Variants in FAM193A observed in about 807,000 individuals in gnomAD.
FAM193A encodes the protein family with sequence similarity 193 member A, also known as protein FAM193A.
In FAM193A, 22 loss-of-function variants were observed where a neutral mutation model predicts 126.5. The observed-to-expected ratio is 0.17, with a 90% confidence interval of 0.12 to 0.25. FAM193A has a LOEUF of 0.25. FAM193A is among the 10% of genes least tolerant of loss of function. The pLI is 1.00. For missense variants in FAM193A, 1,675 were observed against 1,672.8 expected, an observed-to-expected ratio of 1.00 and a Z score of -0.02; for synonymous variants, 761 against 646.8, an observed-to-expected ratio of 1.18 and a Z score of -2.68.
intron 1 of FAM193A, among the ~76,000 whole-genome samples, chr4:2,579,948 A>G (rs1448281981): frequency 2.0e-5 from 3 of 152,216 alleles, no homozygotes; most frequent in Non-Finnish European, 4.4e-5. Flanking sequence ...AAAGGAATAT[A>G]AATTGTTGTG....
intron 13 of FAM193A, among the ~76,000 whole-genome samples, chr4:2,675,961 C>G (rs981942779): frequency 6.6e-5 from 10 of 152,330 alleles, no homozygotes; most frequent in Admixed American, 1.3e-4. Flanking sequence ...TCGCATATTG[C>G]AGAATCTCCT....
intron 2 of FAM193A, among the ~76,000 whole-genome samples, chr4:2,609,981 C>T (rs1741767310): frequency 6.6e-6 from 1 of 151,386 alleles, no homozygotes; most frequent in African/African-American, 2.4e-5. Context: ...CCTGTAATCC[C>T]AGCATTTTGG....
chr4:2,648,436 C>T (rs1745355492), intron 7 of FAM193A, among the ~76,000 whole-genome samples: 1 of 152,172 alleles, frequency 6.6e-6, no homozygotes, highest in African/African-American at 2.4e-5. Flanking sequence ...AGAGCAGTTG[C>T]TGTTTTGTGT....
chr4:2,544,181 C>T (rs115435234), intron 1 of FAM193A, among the ~76,000 whole-genome samples: 9 of 152,250 alleles, frequency 5.9e-5, no homozygotes, highest in Non-Finnish European at 8.8e-5. Context: ...TTACCATACA[C>T]GCTTTAGAAA....
At chr4:2,704,974 C>T (rs891338269) in intron 19 of FAM193A, among the ~76,000 whole-genome samples, 1 of 152,130 alleles carries the variant, frequency 6.6e-6, no homozygotes, top group East Asian at 1.9e-4. Context: ...TGCAGTGGCG[C>T]GATCTCGGCT....
intron 12 of FAM193A, among the ~76,000 whole-genome samples, chr4:2,664,882 C>T (rs1044427320): frequency 6.6e-6 from 1 of 152,038 alleles, no homozygotes; most frequent in African/African-American, 2.4e-5. Context: ...TTTTCAAAAT[C>T]GTTTATGCTG....
chr4:2,542,728 C>T (rs1578557640), intron 1 of FAM193A, among the ~76,000 whole-genome samples: 2 of 151,304 alleles, frequency 1.3e-5, no homozygotes, highest in South Asian at 4.1e-4. Context: ...TGAGTCCTGG[C>T]AAGCAGCCTC....
chr4:2,679,375 CTTTTTTTTTTTT>C (rs796366785), intron 13 of FAM193A, among the ~76,000 whole-genome samples: 9,294 of 88,194 alleles, frequency 0.11, 694 homozygotes, highest in African/African-American at 0.24. Context: ...AGTTTTCTTT[CTTTTTTTTTTTT>C]TTTTTTTTTT....
chr4:2,641,101 C>T (rs1428862190), intron 6 of FAM193A, among the ~76,000 whole-genome samples: 1 of 151,558 alleles, frequency 6.6e-6, no homozygotes, highest in African/African-American at 2.4e-5. Flanking sequence ...AGTGCAGTGG[C>T]ACAATCTCAG....
At chr4:2,687,204 G>T (rs1715839012) in intron 13 of FAM193A, among the ~76,000 whole-genome samples, 1 of 152,168 alleles carries the variant, frequency 6.6e-6, no homozygotes, top group Admixed American at 6.5e-5. Flanking sequence ...AGGTGGAAAG[G>T]TTTGGTCGGT....
At chr4:2,673,832 T>C (rs1411277172) in intron 13 of FAM193A, among the ~76,000 whole-genome samples, 1 of 152,224 alleles carries the variant, frequency 6.6e-6, no homozygotes, top group Non-Finnish European at 1.5e-5. Flanking sequence ...TACTAAAGAC[T>C]GTGGGGCCCC....
At chr4:2,608,177 G>A (rs1741654034) in intron 2 of FAM193A, 3 of 1,544,024 alleles carry the variant, frequency 1.9e-6, no homozygotes, top group Non-Finnish European at 2.7e-6. Context: ...AATACCAAGA[G>A]GACTTCATTT....
intron 20 of FAM193A, among the ~76,000 whole-genome samples, chr4:2,725,079 A>G (rs565078172): frequency 6.6e-6 from 1 of 152,042 alleles, no homozygotes; most frequent in African/African-American, 2.4e-5. Context: ...GAGTTTCACC[A>G]TGTTGGCCAG....
intron 1 of FAM193A, among the ~76,000 whole-genome samples, chr4:2,553,676 T>C (rs1457218847): frequency 1.3e-5 from 2 of 152,052 alleles, no homozygotes; most frequent in Non-Finnish European, 2.9e-5. Context: ...CTCCTTTGAC[T>C]TACAGTTTAT....
chr4:2,608,892 C>CT (rs747565544), intron 2 of FAM193A, among the ~76,000 whole-genome samples: 4,381 of 138,076 alleles, frequency 0.032, 250 homozygotes, highest in African/African-American at 0.1. Flanking sequence ...TGAATTTCAC[C>CT]TTTTTTTTTT....
chr4:2,731,935 C>T lies in FAM193A; in HGVS notation c.*67C>T, dbSNP rs1721442118. 1.6e-6 allele frequency: 2 copies of T among 1,219,596 alleles called. No individual in the cohort carries two copies. The highest frequency in any genetic ancestry group is 2.4e-6 in the Non-Finnish European group (2 of 825,200). 75.5% of individuals were successfully genotyped at this position (1,219,596 alleles called of 1,614,324 possible). Reference sequence around the variant, plus strand: ...GCTGCACCACCCCAAGAGCCACGCCCCTCGCTGGCGCCCCAGAGCCGTGGT... The same window carrying T: ...GCTGCACCACCCCAAGAGCCACGCCTCTCGCTGGCGCCCCAGAGCCGTGGT... On this transcript the variant is annotated 3_prime_UTR_variant, in exon 21 of 21. Transcript: ENST00000637812.
Position 2,596,124 on chromosome 4 carries a change from A to G in FAM193A, c.296A>G (p.Tyr99Cys), listed in dbSNP as rs1038455301. The G allele has an allele frequency of 4.3e-6, 3 of 702,668 alleles. No homozygotes were observed. Among genetic ancestry groups the G allele is most frequent in the African/African-American group, 3.5e-5 (2 of 57,160 alleles). The allele number at this position is 702,668 out of a possible 1,614,324, so 43.5% of individuals were successfully genotyped here. Residue 99 changes from tyrosine (Y) to cysteine (C), a missense_variant, in exon 2 of 21, where the codon TAC (tyrosine) becomes TGC (cysteine). Around this residue, in one of 4 missense-constraint regions of FAM193A, gnomAD observed 1,186 missense variants for 1,109.2 expected, o/e 1.07. Coordinates refer to ENST00000637812, the MANE Select transcript of FAM193A (RefSeq NM_001366318.2). ...SFGMNHRTPP[Y>C]PAGDYCLLCR... The stretch of plus-strand genomic sequence containing the variant: ...GGCATGAATCATAGGACACCACCCT[A>G]CCCTGCTGGGGATTATTGTCTTCTG...
chr4:2,668,798 T>TTC (rs747598149), intron 12 of FAM193A, among the ~76,000 whole-genome samples: 1 of 150,866 alleles, frequency 6.6e-6, no homozygotes, highest in Non-Finnish European at 1.5e-5. Flanking sequence ...CTCTCTCTCT[T>TTC]TCTCTCTCTC....
intron 12 of FAM193A, among the ~76,000 whole-genome samples, chr4:2,666,479 C>G (rs988948985): frequency 6.6e-6 from 1 of 152,114 alleles, no homozygotes; most frequent in Non-Finnish European, 1.5e-5. Flanking sequence ...AGTTTCCTAT[C>G]TTTGTGATGT....
Sources: gnomAD v4.1 joint callset for allele counts (sites outside exome capture counted in the v4.1 genomes callset) on GRCh38, gnomAD v4.1.1 for gene constraint, gnomAD v4.1.1 regional missense constraint, MANE v1.5 for transcripts, NCBI Gene and HGNC (gene_info 2026-07-23, HGNC 2026-07-21) for gene names.